Variants in RTN3 observed in about 807,000 individuals in gnomAD.
RTN3 encodes the protein reticulon 3, also known as reticulon-3.
In RTN3, 49 loss-of-function variants were observed where a neutral mutation model predicts 77.8. The ratio of observed to expected loss-of-function variants is 0.63; its 90% CI spans 0.50 to 0.80. RTN3 has a LOEUF of 0.80. Ranked by LOEUF, RTN3 falls within the 30% of genes least tolerant of loss-of-function variation. The pLI, the probability that RTN3 is intolerant of heterozygous loss-of-function variation, is 0.00. For synonymous variants in RTN3, 464 were observed against 446.9 expected, an observed-to-expected ratio of 1.04 and a Z score of -0.48; for missense variants, 1,236 against 1,211.9, an observed-to-expected ratio of 1.02 and a Z score of -0.29.
At position 63,759,882 on chromosome 11, in the gene RTN3, A is replaced by C. The variant is rs1047105445; in HGVS notation, c.*1681A>C. The C allele has an allele frequency of 4.6e-5, 7 of 150,752 alleles. No individual in the cohort carries two copies. Among genetic ancestry groups the C allele is most frequent in the Admixed American group, 2.0e-4 (3 of 15,094 alleles). 9.3% of individuals were successfully genotyped at this position (150,752 alleles called of 1,614,324 possible). On this transcript the variant is annotated 3_prime_UTR_variant, in exon 9 of 9. Coordinates refer to ENST00000377819, the MANE Select transcript of RTN3 (RefSeq NM_001265589.2). Reference sequence around the variant, plus strand: ...TGTGGTATTAATAAAAAAAAAAAAAACACAAACAATGACTGTGGCATCATT... The same window carrying C: ...TGTGGTATTAATAAAAAAAAAAAAACCACAAACAATGACTGTGGCATCATT...
rs1198626028 is a variant in RTN3 at position 63,724,507 on chromosome 11, T to TA, written c.2530+3475_2530+3476insA. ...CCCTTTTTTTTTTTTTTTTTTTTTT[T>TA]TAAAGACAGAGTCTCACCGTGTTGC... is the stretch of plus-strand genomic sequence containing the variant. On this transcript the variant is annotated intron_variant, in intron 3 of 8. Transcript: ENST00000377819. 1.4e-3 allele frequency among the ~76,000 whole-genome samples: 198 copies of TA among 140,158 alleles called. 1 individual carries two copies. Among genetic ancestry groups the TA allele is most frequent in the African/African-American group, 5.2e-3 (190 of 36,254 alleles). 91.9% of individuals were successfully genotyped at this position (140,158 alleles called of 152,430 possible). A position where few individuals can be genotyped will look rare whatever the true frequency, so the allele number is the denominator to read the frequency against.
intron 4 of RTN3, among the ~76,000 whole-genome samples, chr11:63,751,350 T>C (rs1299334765): frequency 6.6e-6 from 1 of 152,256 alleles, no homozygotes; most frequent in African/African-American, 2.4e-5. Flanking sequence ...GGTTTATTAC[T>C]GATTTCCTCC....
Position 63,715,689 on chromosome 11 carries a change from A to G in RTN3, c.200-3013A>G, listed in dbSNP as rs138685547. Reference sequence around the variant, plus strand: ...ACACACAAAAAACACACAAAAAAACATATAAGCTGAACCTCCCCTGTGGGG... The same window carrying G: ...ACACACAAAAAACACACAAAAAAACGTATAAGCTGAACCTCCCCTGTGGGG... On this transcript the variant is annotated intron_variant, in intron 2 of 8. Transcript: ENST00000377819. Among the ~76,000 whole-genome samples the G allele has an allele frequency of 6.8e-4, 104 of 152,190 alleles. No homozygotes were observed. The East Asian group carries it at 0.017, about 24-fold the overall frequency.
chr11:63,683,972 T>TTTTTTTTTTTA (rs1375625604), intron 1 of RTN3, among the ~76,000 whole-genome samples: 2 of 136,054 alleles, frequency 1.5e-5, no homozygotes, highest in Non-Finnish European at 3.2e-5. Context: ...TTTTTTTTTT[T>TTTTTTTTTTTA]AGACAAGGTC....
chr11:63,747,003 C>T (rs2013835170), intron 3 of RTN3: 2 of 455,920 alleles, frequency 4.4e-6, no homozygotes, highest in South Asian at 3.1e-5. Context: ...CTCCTTTAAT[C>T]TGAGAATTAA....
intron 3 of RTN3, among the ~76,000 whole-genome samples, chr11:63,745,096 T>C (rs993121088): frequency 6.6e-6 from 1 of 152,190 alleles, no homozygotes; most frequent in African/African-American, 2.4e-5. Flanking sequence ...TTTAAACTAT[T>C]GGCAACTGCC....
intron 1 of RTN3, among the ~76,000 whole-genome samples, chr11:63,682,494 G>T (rs532635622): frequency 2.6e-5 from 4 of 152,228 alleles, no homozygotes; most frequent in Admixed American, 2.6e-4. Context: ...GCAACAGCCT[G>T]CTCTTCCCTG....
chr11:63,733,860 C>T (rs1476367296), intron 3 of RTN3, among the ~76,000 whole-genome samples: 1 of 151,626 alleles, frequency 6.6e-6, no homozygotes, highest in Non-Finnish European at 1.5e-5. Flanking sequence ...AACTGCACTC[C>T]AGCCTGGGTG....
chr11:63,728,534 C>G (rs1590851276), intron 3 of RTN3, among the ~76,000 whole-genome samples: 1 of 152,210 alleles, frequency 6.6e-6, no homozygotes, highest in East Asian at 1.9e-4. Context: ...TTCACCCTTT[C>G]CTATACAGTG....
intron 1 of RTN3, among the ~76,000 whole-genome samples, chr11:63,700,569 C>T (rs1448035905): frequency 6.7e-6 from 1 of 150,006 alleles, no homozygotes; most frequent in East Asian, 2.0e-4. Flanking sequence ...CAGGCGTGAG[C>T]CACCTCACCT....
chr11:63,710,557 C>T (rs963292165), intron 2 of RTN3, among the ~76,000 whole-genome samples: 2 of 151,982 alleles, frequency 1.3e-5, no homozygotes, highest in African/African-American at 4.8e-5. Flanking sequence ...ACGGGAAGAC[C>T]GCTCCTGCTG....
At position 63,720,514 on chromosome 11, in the gene RTN3, G is replaced by T. The variant is rs556983902; in HGVS notation, c.2012G>T (p.Arg671Ile). 1.2e-6 allele frequency: 2 copies of T among 1,613,938 alleles called. No homozygotes were observed. Among genetic ancestry groups the T allele is most frequent in the African/African-American group, 1.3e-5 (1 of 75,030 alleles). Residue 671 changes from arginine to isoleucine, a missense_variant, in exon 3 of 9, where the codon AGA becomes ATA. Around this residue, in one of 3 missense-constraint regions of RTN3, gnomAD observed 1,056 missense variants for 990.4 expected, o/e 1.07. Transcript: ENST00000377819. ...GATAAAGGAATAGTAGATAGTGAAAGAAATGCTTTTAAAGCAATATCAGAG... is the reference window on the plus strand; with the variant it reads ...GATAAAGGAATAGTAGATAGTGAAATAAATGCTTTTAAAGCAATATCAGAG... ...TRDKGIVDSE[R>I]NAFKAISEKM...
At chr11:63,714,783 G>A (rs566332877) in intron 2 of RTN3, among the ~76,000 whole-genome samples, 7 of 152,162 alleles carry the variant, frequency 4.6e-5, no homozygotes, top group African/African-American at 1.4e-4. Context: ...AAAGTTCTAA[G>A]ATACAGGCAT....
At chr11:63,746,291 G>A (rs529198884) in intron 3 of RTN3, among the ~76,000 whole-genome samples, 2 of 152,216 alleles carry the variant, frequency 1.3e-5, no homozygotes, top group African/African-American at 2.4e-5. Flanking sequence ...AGGAAGTCCC[G>A]TATAATCTGC....
rs746470070 is a variant in RTN3, at chr11:63,752,614, T to C, written c.2846T>C (p.Phe949Ser). 6.2e-7 allele frequency: 1 copy of C among 1,614,152 alleles called. No homozygotes were observed. Among genetic ancestry groups the C allele is most frequent in the Non-Finnish European group, 8.5e-7 (1 of 1,180,012 alleles). Residue 949 changes from phenylalanine (F) to serine (S), a missense_variant, in exon 5 of 9, where the codon TTT becomes TCT. Physicochemically the swap from Phe to Ser is radical, Grantham distance 155. Around this residue, in one of 3 missense-constraint regions of RTN3, gnomAD observed 141 missense variants for 154.9 expected, o/e 0.91. Coordinates refer to ENST00000377819, the MANE Select transcript of RTN3 (RefSeq NM_001265589.2). ...GCCCTGAAACTCATTATTCGTCTCT[T>C]TCTGGTAGAAGATCTGGTTGACTCC... The part of the protein sequence containing the change: ...NRALKLIIRL[F>S]LVEDLVDSLK...
chr11:63,720,947 T>C lies in RTN3; in HGVS notation c.2445T>C (p.Thr815=). 2 of 1,614,074 alleles carry C rather than the reference T, an allele frequency of 1.2e-6. No homozygotes were observed. Among genetic ancestry groups the C allele is most frequent in the Non-Finnish European group, 1.7e-6 (2 of 1,179,986 alleles). The part of the protein sequence containing the change: ...ISQKPITIRE[T]TRVDAVSSLS... ...AGAAGCCCATCACTATCAGAGAAAC[T>C]ACTAGGGTAGATGCTGTTTCCAGCC... is the stretch of plus-strand genomic sequence containing the variant. Residue 815 remains threonine, a synonymous_variant, in exon 3 of 9, where the codon ACT becomes ACC. Transcript: ENST00000377819.
intron 2 of RTN3, among the ~76,000 whole-genome samples, chr11:63,714,760 T>A (rs1250374249): frequency 1.3e-5 from 2 of 151,982 alleles, no homozygotes; most frequent in Non-Finnish European, 1.5e-5. Context: ...CAATTTTCCC[T>A]CCTGTGCCTC....
At chr11:63,713,807 T>TA (rs1161634570) in intron 2 of RTN3, among the ~76,000 whole-genome samples, 1 of 152,204 alleles carries the variant, frequency 6.6e-6, no homozygotes, top group Non-Finnish European at 1.5e-5. Context: ...GAAAGGCTCT[T>TA]AGAGTGCATG....
intron 4 of RTN3, 83 bp from the exon 5 acceptor site, chr11:63,752,424 C>G: frequency 7.2e-7 from 1 of 1,389,942 alleles, no homozygotes. Flanking sequence ...CCCTGGGAAC[C>G]AATTTTACAT....
Sources: allele counts gnomAD v4.1 joint callset (sites outside exome capture counted in the v4.1 genomes callset), GRCh38; gene constraint gnomAD v4.1.1; regional missense constraint gnomAD v4.1.1; transcripts MANE v1.5; gene names NCBI Gene and HGNC (gene_info 2026-07-23, HGNC 2026-07-21).